Variants in EYA2 observed in about 807,000 individuals in gnomAD.
EYA2 encodes the protein protein phosphatase EYA2.
In EYA2, 31 loss-of-function variants were observed where a neutral mutation model predicts 69.2. The observed-to-expected ratio is 0.45, with a 90% confidence interval of 0.34 to 0.60. The LOEUF is 0.60. Among genes scored for constraint, EYA2 ranks in the 20% least tolerant of loss-of-function variants. The pLI is 0.02. For missense variants in EYA2, 622 were observed against 701.2 expected, an observed-to-expected ratio of 0.89 and a Z score of 1.28; for synonymous variants, 257 against 279.4, an observed-to-expected ratio of 0.92 and a Z score of 0.80.
intron 1 of EYA2, among the ~76,000 whole-genome samples, chr20:46,916,503 G>A (rs527720712): frequency 3.2e-4 from 48 of 152,102 alleles, no homozygotes; most frequent in Non-Finnish European, 5.9e-4. Context: ...GTGTGTGCAT[G>A]TGTGATGGGT....
intron 1 of EYA2, among the ~76,000 whole-genome samples, chr20:46,976,760 C>T (rs546776059): frequency 1.3e-5 from 2 of 152,246 alleles, no homozygotes; most frequent in South Asian, 2.1e-4. Context: ...TGGGACATTC[C>T]GTGGGGAATA....
intron 5 of EYA2, among the ~76,000 whole-genome samples, chr20:47,065,774 G>A (rs184638228): frequency 6.3e-4 from 96 of 152,210 alleles, no homozygotes; most frequent in African/African-American, 1.9e-3. Context: ...GGTAATAAAC[G>A]GTTTGTGAGC....
intron 5 of EYA2, among the ~76,000 whole-genome samples, chr20:47,021,257 G>A (rs1177922064): frequency 2.6e-5 from 4 of 152,188 alleles, no homozygotes; most frequent in Non-Finnish European, 5.9e-5. Context: ...AGAGAAAAGA[G>A]GAATACTAAT....
intron 7 of EYA2, among the ~76,000 whole-genome samples, chr20:47,083,810 T>C (rs2031805098): frequency 6.6e-6 from 1 of 152,150 alleles, no homozygotes. Flanking sequence ...CATACAAATT[T>C]AAAACTGTTC....
chr20:47,073,851 A>G (rs1031976795), intron 6 of EYA2, among the ~76,000 whole-genome samples: 8 of 152,062 alleles, frequency 5.3e-5, no homozygotes, highest in Admixed American at 2.6e-4. Context: ...TGTGGATTTT[A>G]GACCATCTCA....
intron 10 of EYA2, 99 bp from the exon 11 acceptor site, chr20:47,169,040 C>A: frequency 9.4e-7 from 1 of 1,066,896 alleles, no homozygotes; most frequent in South Asian, 1.3e-5. Context: ...GTGCAGTGCT[C>A]ATCCCAGCCC....
At chr20:47,042,753 A>G (rs893066021) in intron 5 of EYA2, among the ~76,000 whole-genome samples, 10 of 152,192 alleles carry the variant, frequency 6.6e-5, no homozygotes, top group Non-Finnish European at 1.2e-4. Flanking sequence ...TATGCCTCTT[A>G]TCACCTCATG....
chr20:47,091,070 G>A (rs375168149), intron 8 of EYA2, among the ~76,000 whole-genome samples: 1 of 152,014 alleles, frequency 6.6e-6, no homozygotes, highest in Non-Finnish European at 1.5e-5. Context: ...TACTTTATGC[G>A]GCAGCTGCAA....
chr20:46,928,880 G>A (rs527568189), intron 1 of EYA2, among the ~76,000 whole-genome samples: 3 of 152,258 alleles, frequency 2.0e-5, no homozygotes, highest in South Asian at 2.1e-4. Flanking sequence ...GTGCTGTGCC[G>A]ATGTTAGGGG....
At chr20:47,097,281 C>A in intron 9 of EYA2, 113 bp downstream of exon 9, 1 of 806,248 alleles carries the variant, frequency 1.2e-6, no homozygotes, top group Non-Finnish European at 2.0e-6. Context: ...CCAACAAAAG[C>A]TGCCCTTTGG....
At chr20:46,958,080 G>A (rs1206765) in intron 1 of EYA2, among the ~76,000 whole-genome samples, 145,043 of 152,244 alleles carry the variant, frequency 0.95, 69,471 homozygotes, top group Middle Eastern at 0.99. Context: ...CCATGGCTCC[G>A]AAATAGCTCT....
At chr20:46,988,556 G>T (rs947980050) in intron 1 of EYA2, among the ~76,000 whole-genome samples, 2 of 152,180 alleles carry the variant, frequency 1.3e-5, no homozygotes, top group Non-Finnish European at 2.9e-5. Flanking sequence ...ATAACGACGT[G>T]CTCACAATAA....
chr20:46,927,529 G>A (rs1385914252), intron 1 of EYA2, among the ~76,000 whole-genome samples: 1 of 146,912 alleles, frequency 6.8e-6, no homozygotes, highest in Non-Finnish European at 1.5e-5. Context: ...CATGGCAGAA[G>A]GCAAAAGGGC....
chr20:47,062,647 T>C (rs1226522788), intron 5 of EYA2, among the ~76,000 whole-genome samples: 1 of 152,120 alleles, frequency 6.6e-6, no homozygotes, highest in Non-Finnish European at 1.5e-5. Flanking sequence ...ACATGAGCTG[T>C]TTTGTGATCT....
At chr20:46,970,182 C>T (rs778792269) in intron 1 of EYA2, among the ~76,000 whole-genome samples, 4 of 152,212 alleles carry the variant, frequency 2.6e-5, no homozygotes, top group Admixed American at 6.5e-5. Context: ...GCGACTGAAG[C>T]GCGGTGAAAG....
intron 5 of EYA2, among the ~76,000 whole-genome samples, 168 bp downstream of exon 5, chr20:47,016,465 TG>T (rs1447171400): frequency 6.6e-6 from 1 of 152,204 alleles, no homozygotes; most frequent in Admixed American, 6.5e-5. Flanking sequence ...GGTCGTTACC[TG>T]GCAGTGGGGA....
intron 10 of EYA2, among the ~76,000 whole-genome samples, chr20:47,154,808 T>A (rs2033887925): frequency 1.4e-5 from 2 of 139,088 alleles, no homozygotes; most frequent in African/African-American, 5.5e-5. Flanking sequence ...TTTGTTTTTG[T>A]TTATTTTGTT....
chr20:47,116,993 C>CG (rs1416425652), intron 9 of EYA2, among the ~76,000 whole-genome samples: 1 of 95,686 alleles, frequency 1.0e-5, no homozygotes, highest in Non-Finnish European at 2.0e-5. Flanking sequence ...CATGCATCTG[C>CG]ATTTTTTTTT....
At chr20:46,944,185 G>GATGT (rs1978331238) in intron 1 of EYA2, among the ~76,000 whole-genome samples, 1 of 152,176 alleles carries the variant, frequency 6.6e-6, no homozygotes, top group African/African-American at 2.4e-5. Flanking sequence ...GGAAAGAGAG[G>GATGT]ATGTCATGGT....
Sources: gnomAD v4.1 joint callset for allele counts (sites outside exome capture counted in the v4.1 genomes callset) on GRCh38, gnomAD v4.1.1 for gene constraint, MANE v1.5 for transcripts, NCBI Gene and HGNC (gene_info 2026-07-23, HGNC 2026-07-21) for gene names.